The following CCDC6 variants were observed in gnomAD, a reference collection of about 807,000 sequenced individuals.
The protein encoded by CCDC6 is coiled-coil domain-containing protein 6.
A neutral mutation model predicts 56.6 loss-of-function variants in CCDC6; 20 were observed. The ratio of observed to expected loss-of-function variants is 0.35; its 90% CI spans 0.25 to 0.51. The LOEUF (loss-of-function observed/expected upper bound fraction) is 0.51, where lower values mean the gene tolerates loss of function less well. CCDC6 is among the 20% of genes least tolerant of loss of function. CCDC6 has a pLI of 0.95. For missense variants in CCDC6, 367 were observed against 601.1 expected, an observed-to-expected ratio of 0.61 and a Z score of 4.07; for synonymous variants, 241 against 234.4, an observed-to-expected ratio of 1.03 and a Z score of -0.26.
At chr10:59,861,012 T>A (rs796314176) in intron 1 of CCDC6, among the ~76,000 whole-genome samples, 13 of 152,122 alleles carry the variant, frequency 8.5e-5, no homozygotes, top group African/African-American at 3.1e-4. Context: ...CTGGCCAACA[T>A]GGTGAAACCC....
chr10:59,819,278 T>C (rs1035088936), intron 3 of CCDC6, among the ~76,000 whole-genome samples: 1 of 152,218 alleles, frequency 6.6e-6, no homozygotes, highest in Non-Finnish European at 1.5e-5. Context: ...CTGTATTTCA[T>C]TACATAGGCT....
At chr10:59,869,062 A>G (rs957344226) in intron 1 of CCDC6, among the ~76,000 whole-genome samples, 16 of 152,080 alleles carry the variant, frequency 1.1e-4, no homozygotes, top group Non-Finnish European at 2.9e-5. Flanking sequence ...GACACACCCT[A>G]TATCTAAAAA....
intron 1 of CCDC6, 152 bp downstream of exon 1, chr10:59,905,970 C>T: frequency 1.5e-6 from 1 of 678,348 alleles, no homozygotes; most frequent in Non-Finnish European, 2.4e-6. Flanking sequence ...ACCTCCCTCT[C>T]CTCCCGGAAG....
chr10:59,905,499 AC>A (rs1473799476), intron 1 of CCDC6, among the ~76,000 whole-genome samples: 1 of 151,892 alleles, frequency 6.6e-6, no homozygotes, highest in African/African-American at 2.4e-5. Context: ...CACCCTCCCA[AC>A]CCAAAGCAAA....
chr10:59,884,032 T>C (rs910093252), intron 1 of CCDC6, among the ~76,000 whole-genome samples: 3 of 152,202 alleles, frequency 2.0e-5, no homozygotes, highest in African/African-American at 7.2e-5. Flanking sequence ...AAAAACAGTT[T>C]TAAACTCCTA....
rs960224009 is a variant in CCDC6 at position 59,906,392 on chromosome 10, G to A, written c.33C>T (p.Asp11=). 1.2e-5 allele frequency: 19 copies of A among 1,583,050 alleles called. No individual in the cohort carries two copies. The African/African-American group carries it at 1.6e-4, about 14-fold the overall frequency. The change falls in exon 1 of 9, where the codon GAC becomes GAT. Residue 11 remains aspartate (D), a synonymous_variant. Coordinates refer to ENST00000263102, the MANE Select transcript of CCDC6 (RefSeq NM_005436.5). MADSASESDT[D]GAGGNSSSSA... is the part of the protein sequence containing the mutation. ...AGCTGCTGCTGTTGCCCCCCGCCCC[G>A]TCCGTGTCGCTCTCGCTGGCGCTGT... is the stretch of plus-strand genomic sequence containing the variant.
chr10:59,852,424 T>G (rs1350425175), intron 2 of CCDC6, 129 bp downstream of exon 2: 3 of 708,760 alleles, frequency 4.2e-6, no homozygotes, highest in South Asian at 5.4e-5. Flanking sequence ...ACCTGGTATT[T>G]TGAATCTCCA....
chr10:59,829,555 G>T (rs1299013886), intron 3 of CCDC6, among the ~76,000 whole-genome samples: 3 of 152,170 alleles, frequency 2.0e-5, no homozygotes, highest in Non-Finnish European at 4.4e-5. Flanking sequence ...TAATTGATGA[G>T]TGTGGTATAT....
Position 59,888,525 on chromosome 10 carries a change from G to C in CCDC6, c.303+17597C>G, listed in dbSNP as rs1162687112. Among the ~76,000 whole-genome samples the C allele has an allele frequency of 3.3e-5, 5 of 152,328 alleles. No homozygotes were observed. The South Asian group carries it at 6.2e-4, about 19-fold the overall frequency. On this transcript the variant is annotated intron_variant, in intron 1 of 8. Coordinates refer to ENST00000263102, the MANE Select transcript of CCDC6 (RefSeq NM_005436.5). The stretch of plus-strand genomic sequence containing the variant: ...CAGGTAAAAGGTCTCCAAGCCTGCT[G>C]TCAACAGCTTTAGGGAGGAAGGTTA...
chr10:59,869,389 CAAAAAAAAAAAAAA>C (rs1167007522), intron 1 of CCDC6, among the ~76,000 whole-genome samples: 53 of 6,088 alleles, frequency 8.7e-3, no homozygotes, highest in Non-Finnish European at 0.015. Context: ...CTTGCTCAGG[CAAAAAAAAAAAAAA>C]AAAAAAAAAA....
chr10:59,868,410 G>A (rs1428558872), intron 1 of CCDC6, among the ~76,000 whole-genome samples: 2 of 152,292 alleles, frequency 1.3e-5, no homozygotes, highest in East Asian at 1.9e-4. Context: ...GGGCCATGCA[G>A]ATACGTTGTC....
intron 1 of CCDC6, among the ~76,000 whole-genome samples, chr10:59,864,602 T>C (rs547511525): frequency 1.3e-5 from 2 of 152,272 alleles, no homozygotes; most frequent in South Asian, 4.2e-4. Context: ...TTACCTATTG[T>C]TATGTAACAA....
chr10:59,792,204 AGGAT>A lies in CCDC6; in HGVS notation c.*709_*712del. On this transcript the variant is annotated 3_prime_UTR_variant, in exon 9 of 9. Transcript: ENST00000263102. ...GGCCAGGTTAAGTAGATTAACATTAAGGATAAAAAAGAGAATCACATCTTAATAT... is the reference window on the plus strand; with the variant it reads ...GGCCAGGTTAAGTAGATTAACATTAAAAAAAAGAGAATCACATCTTAATAT... The A allele has an allele frequency of 7.8e-6, 2 of 257,244 alleles. No individual in the cohort carries two copies. The highest frequency in any genetic ancestry group is 1.0e-4 in the South Asian group (1 of 9,730). The allele number at this position is 257,244 out of a possible 1,614,324, so 15.9% of individuals were successfully genotyped here.
intron 2 of CCDC6, 70 bp from the exon 3 acceptor site, chr10:59,832,723 AG>A: frequency 6.6e-7 from 1 of 1,522,132 alleles, no homozygotes; most frequent in South Asian, 1.2e-5. Flanking sequence ...TGGCTCCAAA[AG>A]GTGACTATAC....
intron 2 of CCDC6, among the ~76,000 whole-genome samples, chr10:59,851,354 A>G (rs958344206): frequency 2.0e-5 from 3 of 152,150 alleles, no homozygotes; most frequent in Non-Finnish European, 2.9e-5. Flanking sequence ...GAATAAACAA[A>G]AAGTTTCAGT....
Position 59,788,894 on chromosome 10 carries a change from A to G in CCDC6, c.*4023T>C, listed in dbSNP as rs1450240768. 1.6e-4 allele frequency: 34 copies of G among 210,100 alleles called. 1 individual carries two copies. Among genetic ancestry groups the G allele is most frequent in the Non-Finnish European group, 2.9e-4 (30 of 103,362 alleles). The allele number at this position is 210,100 out of a possible 1,614,324, so 13.0% of individuals were successfully genotyped here. On this transcript the variant is annotated 3_prime_UTR_variant, in exon 9 of 9. Coordinates refer to ENST00000263102, the MANE Select transcript of CCDC6 (RefSeq NM_005436.5). ...CTCTAAACTCTGACCAAGAATGTCA[A>G]GATTGCCACTATTACCAGAACTCCA...
At chr10:59,877,423 T>C (rs1001616886) in intron 1 of CCDC6, among the ~76,000 whole-genome samples, 2 of 152,106 alleles carry the variant, frequency 1.3e-5, no homozygotes, top group Non-Finnish European at 2.9e-5. Flanking sequence ...GTTCCAAGGT[T>C]AGGATGTAAA....
chr10:59,870,695 G>T (rs2071220764), intron 1 of CCDC6, among the ~76,000 whole-genome samples: 1 of 152,160 alleles, frequency 6.6e-6, no homozygotes, highest in African/African-American at 2.4e-5. Flanking sequence ...ATGCAACTTT[G>T]GAGTCATAGC....
Position 59,792,991 on chromosome 10 carries a change from G to A in CCDC6, c.1351C>T (p.Pro451Ser). Residue 451 changes from proline (P) to serine (S), a missense_variant, in exon 9 of 9, where the codon CCC becomes TCC. Pro to Ser is a moderately conservative substitution (Grantham distance 74, BLOSUM62 -1). Transcript: ENST00000263102. Reference protein sequence around the residue: ...PPPPPPPPMQPTVPSAATSQP... With the variant: ...PPPPPPPPMQSTVPSAATSQP... ...GAGGTGGCTGCTGAGGGGACCGTGG[G>A]CTGCATGGGTGGCGGAGGTGGAGGC... 1 of 1,613,360 alleles carries A rather than the reference G, an allele frequency of 6.2e-7. No individual in the cohort carries two copies.
Sources: allele counts gnomAD v4.1 joint callset (sites outside exome capture counted in the v4.1 genomes callset), GRCh38; gene constraint gnomAD v4.1.1; transcripts MANE v1.5; gene names NCBI Gene and HGNC (gene_info 2026-07-23, HGNC 2026-07-21).